AOAH: variants seen among roughly 807,000 people sequenced by gnomAD.
AOAH encodes the protein acyloxyacyl hydrolase (neutrophil).
Under a neutral mutation model 92.2 loss-of-function variants are expected in AOAH, and 64 were observed. The ratio of observed to expected loss-of-function variants is 0.69; its 90% CI spans 0.57 to 0.86. The LOEUF (loss-of-function observed/expected upper bound fraction) is 0.86. Among genes scored for constraint, AOAH ranks in the 40% least tolerant of loss-of-function variants. The pLI is 0.00. For missense variants in AOAH, 656 were observed against 694.6 expected (o/e 0.94, Z 0.62); for synonymous variants, 263 against 254.5 (o/e 1.03, Z -0.32).
intron 3 of AOAH, among the ~76,000 whole-genome samples, chr7:36,670,707 C>T (rs1459398929): frequency 6.6e-6 from 1 of 152,146 alleles, no homozygotes; most frequent in East Asian, 1.9e-4. Flanking sequence ...GATCTCCTGA[C>T]CTCGTGATCC....
At chr7:36,678,600 T>TGTGTGTGTGTGTGTGCGCGCGCGC (rs549317369) in intron 2 of AOAH, among the ~76,000 whole-genome samples, 7 of 131,026 alleles carry the variant, frequency 5.3e-5, no homozygotes, top group Non-Finnish European at 8.5e-5. Context: ...TGTGTGTGTG[T>TGTGTGTGTGTGTGTGCGCGCGCGC]GCGCGCGCGC....
intron 4 of AOAH, among the ~76,000 whole-genome samples, chr7:36,658,469 C>G (rs11982611): frequency 0.017 from 2,658 of 152,106 alleles, 87 homozygotes; most frequent in African/African-American, 0.061. Flanking sequence ...CCAGAGTGTG[C>G]GGAGGGAATT....
At chr7:36,598,426 AGT>A (rs1790293840) in intron 11 of AOAH, 1 of 152,232 alleles carries the variant, frequency 6.6e-6, no homozygotes, top group Non-Finnish European at 1.5e-5. Context: ...TACTGTTATT[AGT>A]GTGCAAACTT....
At chr7:36,693,009 G>A (rs993541515) in intron 1 of AOAH, among the ~76,000 whole-genome samples, 2 of 152,044 alleles carry the variant, frequency 1.3e-5, no homozygotes, top group African/African-American at 4.8e-5. Flanking sequence ...AAGAATTGGA[G>A]GTAAGAAATA....
intron 1 of AOAH, among the ~76,000 whole-genome samples, chr7:36,722,594 T>G (rs368096753): frequency 6.6e-6 from 1 of 152,160 alleles, no homozygotes; most frequent in African/African-American, 2.4e-5. Flanking sequence ...CACCTCTGCC[T>G]TCAGGTCTCT....
intron 13 of AOAH, among the ~76,000 whole-genome samples, chr7:36,557,497 T>A (rs1307159370): frequency 6.6e-6 from 1 of 151,372 alleles, no homozygotes; most frequent in African/African-American, 2.4e-5. Flanking sequence ...ATCTTTGTGG[T>A]GTTCTCTGTA....
At chr7:36,687,604 G>GT (rs1178416759) in intron 1 of AOAH, among the ~76,000 whole-genome samples, 2 of 151,744 alleles carry the variant, frequency 1.3e-5, no homozygotes, top group Non-Finnish European at 2.9e-5. Flanking sequence ...TCAAAGATCA[G>GT]TAAGTATGTG....
intron 11 of AOAH, among the ~76,000 whole-genome samples, chr7:36,608,223 T>C (rs1240301501): frequency 1.3e-5 from 2 of 152,216 alleles, no homozygotes; most frequent in Admixed American, 6.5e-5. Context: ...GTTATCTTAG[T>C]GGCGTCTTTA....
rs559381587 is a variant in AOAH at position 36,597,870 on chromosome 7, T to C, written c.847-3440A>G. The C allele has an allele frequency of 3.2e-4, 49 of 152,322 alleles. 2 individuals are homozygous for C. The highest frequency in any genetic ancestry group is 1.0e-3 in the African/African-American group (43 of 41,568). 9.4% of individuals were successfully genotyped at this position (152,322 alleles called of 1,614,324 possible). On this transcript the variant is annotated intron_variant, in intron 11 of 20. Transcript: ENST00000617537. ...GCTCTAGAAATCGGATGATCTGTCT[T>C]CTGCGTCTGGCTCTACAAATACAAA...
intron 3 of AOAH, among the ~76,000 whole-genome samples, chr7:36,663,137 A>G (rs1367273286): frequency 1.3e-5 from 2 of 152,118 alleles, no homozygotes; most frequent in African/African-American, 4.8e-5. Context: ...AGAGAGTCAC[A>G]TTTTTCATTT....
chr7:36,724,288 A>C lies in AOAH; in HGVS notation c.-140T>G. 3.4e-6 allele frequency: 3 copies of C among 890,738 alleles called. No homozygotes were observed. The highest frequency in any genetic ancestry group is 5.1e-6 in the Non-Finnish European group (3 of 582,766). The allele number at this position is 890,738 out of a possible 1,614,324, so 55.2% of individuals were successfully genotyped here. ...TTTGACACACACACCCCACCCTCTC[A>C]CATACACACTTTTCAATAAGTGTGA... On this transcript the variant is annotated 5_prime_UTR_variant, in exon 1 of 21. It removes the in-frame stop codon of an upstream open reading frame in the 5' UTR. Coordinates refer to ENST00000617537, the MANE Select transcript of AOAH (RefSeq NM_001637.4).
intron 12 of AOAH, among the ~76,000 whole-genome samples, chr7:36,588,215 A>G (rs1176481991): frequency 6.6e-6 from 1 of 152,274 alleles, no homozygotes; most frequent in Non-Finnish European, 1.5e-5. Context: ...GTTTGGTGCC[A>G]GCACTTGATT....
intron 15 of AOAH, among the ~76,000 whole-genome samples, chr7:36,542,773 A>G (rs192607064): frequency 2.0e-5 from 3 of 152,368 alleles, no homozygotes; most frequent in Admixed American, 6.5e-5. Flanking sequence ...CACCCATGCA[A>G]TAGAACTCTA....
intron 19 of AOAH, among the ~76,000 whole-genome samples, chr7:36,530,186 G>A (rs1784606662): frequency 6.6e-6 from 1 of 152,190 alleles, no homozygotes; most frequent in African/African-American, 2.4e-5. Context: ...TTGCATCAGG[G>A]ATTCTAAAAT....
chr7:36,701,550 C>A (rs1798037677), intron 1 of AOAH, among the ~76,000 whole-genome samples: 1 of 150,680 alleles, frequency 6.6e-6, no homozygotes, highest in Admixed American at 6.6e-5. Context: ...ATGAAATATA[C>A]CTTTTTGTTT....
At chr7:36,620,002 T>C (rs1792165998) in intron 9 of AOAH, among the ~76,000 whole-genome samples, 1 of 152,108 alleles carries the variant, frequency 6.6e-6, no homozygotes, top group Non-Finnish European at 1.5e-5. Context: ...TAGAGTATTC[T>C]AGGTGGAGAG....
intron 15 of AOAH, among the ~76,000 whole-genome samples, chr7:36,542,471 C>T (rs1046582885): frequency 1.3e-5 from 2 of 152,116 alleles, no homozygotes; most frequent in Non-Finnish European, 2.9e-5. Context: ...GGACCCAGGG[C>T]ATAAGTGATA....
chr7:36,644,598 G>A (rs1377455307), intron 4 of AOAH, among the ~76,000 whole-genome samples: 3 of 152,150 alleles, frequency 2.0e-5, no homozygotes, highest in Non-Finnish European at 4.4e-5. Flanking sequence ...TTAAGGTATG[G>A]TGAATTGCAC....
At chr7:36,702,416 A>G (rs1179734719) in intron 1 of AOAH, among the ~76,000 whole-genome samples, 1 of 152,108 alleles carries the variant, frequency 6.6e-6, no homozygotes, top group Non-Finnish European at 1.5e-5. Context: ...TCATTTCTGA[A>G]TAATGTTTTA....
Sources: allele counts gnomAD v4.1 joint callset (sites outside exome capture counted in the v4.1 genomes callset), GRCh38; gene constraint gnomAD v4.1.1; transcripts MANE v1.5; gene names NCBI Gene and HGNC (gene_info 2026-07-23, HGNC 2026-07-21).